The following VIPR1 variants were observed in gnomAD, a reference collection of about 807,000 sequenced individuals.
The protein encoded by VIPR1 is vasoactive intestinal polypeptide receptor 1.
In VIPR1, 59 loss-of-function variants were observed where a neutral mutation model predicts 58.8. That is an observed-to-expected ratio of 1.00 (90% CI 0.81 to 1.25). The LOEUF (loss-of-function observed/expected upper bound fraction) is 1.25, where lower values mean the gene tolerates loss of function less well. Among genes scored for constraint, VIPR1 ranks in the 50% most tolerant of loss-of-function variants. The pLI is 0.00. For missense variants in VIPR1, 626 were observed against 602.7 expected (o/e 1.04, Z -0.40); for synonymous variants, 251 against 242.1 (o/e 1.04, Z -0.34).
rs2125628795 is a variant in VIPR1 at position 42,502,745 on chromosome 3, C to T, written c.10C>T (p.Pro4Ser). ...GGGCTCAGGGCAGACCATGCGCCCG[C>T]CAAGTCCGCTGCCCGCCCGCTGGCT... MRP[P>S]SPLPARWLCV... The change falls in exon 1 of 13, where the codon CCA becomes TCA. Residue 4 changes from proline (P) to serine (S), a missense_variant. Pro to Ser is a moderately conservative substitution (Grantham distance 74). Transcript: ENST00000325123. The T allele has an allele frequency of 7.6e-7, 1 of 1,314,108 alleles. No individual in the cohort carries two copies. The highest frequency in any genetic ancestry group is 2.2e-5 in the South Asian group (1 of 45,852). The allele number at this position is 1,314,108 out of a possible 1,614,324, so 81.4% of individuals were successfully genotyped here. A position where few individuals can be genotyped will look rare whatever the true frequency, so the allele number is the denominator to read the frequency against.
chr3:42,523,329 G>T (rs141859469), intron 3 of VIPR1, among the ~76,000 whole-genome samples: 10 of 152,078 alleles, frequency 6.6e-5, no homozygotes, highest in African/African-American at 2.4e-4. Flanking sequence ...TGGCCCCAGA[G>T]ATGACCCATT....
chr3:42,497,408 A>T (rs1323301046), intron 1 of VIPR1, among the ~76,000 whole-genome samples: 1 of 152,154 alleles, frequency 6.6e-6, no homozygotes, highest in Non-Finnish European at 1.5e-5. Flanking sequence ...ATGCCCACAC[A>T]CAAGGGCACA....
intron 3 of VIPR1, 48 bp downstream of exon 3, chr3:42,519,378 T>C (rs774750106): frequency 1.3e-6 from 2 of 1,509,844 alleles, no homozygotes; most frequent in East Asian, 5.0e-5. Flanking sequence ...CCGGCTGGAG[T>C]GGGGACTCAC....
chr3:42,508,951 A>C (rs1354443259), intron 1 of VIPR1: 1 of 152,168 alleles, frequency 6.6e-6, no homozygotes, highest in African/African-American at 2.4e-5. Context: ...AGAGTAGAGT[A>C]AATAAGTCGT....
chr3:42,500,984 C>T (rs1699857113), upstream of VIPR1, among the ~76,000 whole-genome samples: 1 of 152,134 alleles, frequency 6.6e-6, no homozygotes, highest in Admixed American at 6.5e-5. Flanking sequence ...CTCTGTGCCC[C>T]CAGTGCACAG....
intron 11 of VIPR1, 119 bp from the exon 12 acceptor site, chr3:42,535,224 C>T: frequency 6.3e-7 from 1 of 1,591,166 alleles, no homozygotes; most frequent in Admixed American, 1.7e-5. Flanking sequence ...AGATAAGCAC[C>T]TACTTTGTGC....
chr3:42,504,546 G>A (rs1377652430), intron 1 of VIPR1, among the ~76,000 whole-genome samples: 5 of 152,046 alleles, frequency 3.3e-5, no homozygotes, highest in Admixed American at 3.3e-4. Flanking sequence ...AAGGTCAGGG[G>A]CTGGGGTCTC....
At chr3:42,519,781 G>C (rs1396934558) in intron 3 of VIPR1, among the ~76,000 whole-genome samples, 1 of 152,194 alleles carries the variant, frequency 6.6e-6, no homozygotes, top group Non-Finnish European at 1.5e-5. Flanking sequence ...CCCTTTAGGA[G>C]GTGGCTTTCT....
rs1436022859 is a variant in VIPR1 at position 42,515,597 on chromosome 3, T to C, written c.184+1743T>C. Among the ~76,000 whole-genome samples the C allele has an allele frequency of 2.6e-5, 4 of 152,236 alleles. No homozygotes were observed. In the East Asian group the frequency reaches 7.7e-4, roughly 29 times the overall value. On this transcript the variant is annotated intron_variant, in intron 2 of 12. Transcript: ENST00000325123. ...GTTCCCGTCGGGTGCCAACACCCTG[T>C]CACCAGCAGCCAGGCTGGGATGCAG... is the stretch of plus-strand genomic sequence containing the variant.
chr3:42,491,396 T>G (rs1165776815), intron 1 of VIPR1, among the ~76,000 whole-genome samples: 1 of 152,224 alleles, frequency 6.6e-6, no homozygotes, highest in East Asian at 1.9e-4. Flanking sequence ...ATCCTTTAGA[T>G]GTACACACTC....
intron 2 of VIPR1, among the ~76,000 whole-genome samples, chr3:42,517,035 T>A (rs990144935): frequency 7.2e-5 from 11 of 152,194 alleles, no homozygotes; most frequent in African/African-American, 2.7e-4. Flanking sequence ...ACAGCCAACA[T>A]GAGGCCACAA....
Position 42,536,733 on chromosome 3 carries a change from A to C in VIPR1, c.*452A>C. ...CACCAACACCACGGTAGTGCCTGAA[A>C]TTTCACCATTGCTGTCAAGTTCCTT... On this transcript the variant is annotated 3_prime_UTR_variant, in exon 13 of 13. Coordinates refer to ENST00000325123, the MANE Select transcript of VIPR1 (RefSeq NM_004624.4). The C allele has an allele frequency of 6.3e-6, 1 of 159,318 alleles. No homozygotes were observed. 9.9% of individuals were successfully genotyped at this position (159,318 alleles called of 1,614,324 possible).
Position 42,523,821 on chromosome 3 carries a change from CT to C in VIPR1, c.293-2056del, listed in dbSNP as rs149947431. Among the ~76,000 whole-genome samples, 10 of 149,702 alleles carry C rather than the reference CT, an allele frequency of 6.7e-5. No homozygotes were observed. The East Asian group carries it at 1.4e-3, about 20-fold the overall frequency. ...GCTGGGTGATTTTGGCCTTAATCCT[CT>C]TTTTTTTTTCCCTGAGTCGGAGTTT... On this transcript the variant is annotated intron_variant, in intron 3 of 12. Coordinates refer to ENST00000325123, the MANE Select transcript of VIPR1 (RefSeq NM_004624.4).
chr3:42,528,819 C>G (rs948680165), intron 6 of VIPR1, among the ~76,000 whole-genome samples: 6 of 152,192 alleles, frequency 3.9e-5, no homozygotes, highest in African/African-American at 1.4e-4. Flanking sequence ...GTCAGTAACT[C>G]ATTGCTTCAT....
intron 10 of VIPR1, chr3:42,533,421 T>TG (rs200736823): frequency 3.3e-4 from 3 of 9,154 alleles, no homozygotes; most frequent in Non-Finnish European, 5.1e-4. Flanking sequence ...AAGGAAAGGC[T>TG]GGGGGGGACG....
At chr3:42,530,752 AC>A in intron 6 of VIPR1, 26 bp from the exon 7 acceptor site, 1 of 1,611,488 alleles carries the variant, frequency 6.2e-7, no homozygotes, top group East Asian at 2.2e-5. Context: ...GCCCCAGTGA[AC>A]CCCGTCTTTT....
intron 12 of VIPR1, among the ~76,000 whole-genome samples, chr3:42,535,750 G>A (rs984836488): frequency 6.6e-5 from 10 of 152,146 alleles, no homozygotes; most frequent in Non-Finnish European, 1.2e-4. Flanking sequence ...TTGCTGTGGA[G>A]CTCTGGTTAC....
chr3:42,522,101 ATTTTT>A (rs1158302778), intron 3 of VIPR1, among the ~76,000 whole-genome samples: 3,481 of 33,442 alleles, frequency 0.1, 109 homozygotes, highest in East Asian at 0.21. Context: ...ATATATATAT[ATTTTT>A]TTTTTTTTTT....
intron 2 of VIPR1, among the ~76,000 whole-genome samples, chr3:42,518,384 C>G (rs974337914): frequency 6.6e-6 from 1 of 152,122 alleles, no homozygotes. Context: ...ACAATCTTCC[C>G]TCCCTTTTCT....
Sources: allele counts gnomAD v4.1 joint callset (sites outside exome capture counted in the v4.1 genomes callset), GRCh38; gene constraint gnomAD v4.1.1; transcripts MANE v1.5; gene names NCBI Gene and HGNC (gene_info 2026-07-23, HGNC 2026-07-21).